ARHGEF1: variants seen among roughly 807,000 people sequenced by gnomAD.
ARHGEF1 encodes the protein 115 kDa guanine nucleotide exchange factor.
A neutral mutation model predicts 119.7 loss-of-function variants in ARHGEF1; 40 were observed. That is an observed-to-expected ratio of 0.33 (90% confidence interval 0.26 to 0.44). ARHGEF1 has a LOEUF of 0.44. ARHGEF1 is among the 20% of genes least tolerant of loss of function. The pLI is 1.00. For synonymous variants in ARHGEF1, 494 were observed against 521.0 expected, an observed-to-expected ratio of 0.95 and a Z score of 0.71; for missense variants, 976 against 1,268.3, an observed-to-expected ratio of 0.77 and a Z score of 3.50.
chr19:41,885,030 T>C (rs2074272968), intron 1 of ARHGEF1, among the ~76,000 whole-genome samples: 1 of 152,096 alleles, frequency 6.6e-6, no homozygotes, highest in Non-Finnish European at 1.5e-5. Flanking sequence ...GAGACCTCCA[T>C]AGAACTCAAC....
Position 41,906,823 on chromosome 19 carries a change from G to T in ARHGEF1, c.*17+20G>T. ...AGGAAGGTGAGTGGGGCACCTGGGG[G>T]CCAGGGCGCTGTCCTGAAAGGAGGG... On this transcript the variant is annotated intron_variant, in intron 28 of 28. Transcript: ENST00000354532. This position sits in a 1 kb window ranked among gnomAD's most constrained non-coding sequence, Gnocchi z 4.5. The T allele has an allele frequency of 6.3e-7, 1 of 1,581,188 alleles. No homozygotes were observed. The highest frequency in any genetic ancestry group is 1.8e-5 in the Admixed American group (1 of 56,566).
At chr19:41,891,040 C>G (rs913571520) in intron 4 of ARHGEF1, among the ~76,000 whole-genome samples, 1 of 152,176 alleles carries the variant, frequency 6.6e-6, no homozygotes, top group South Asian at 2.1e-4. Context: ...CAGGGGCGGG[C>G]ACTCAGGAAA....
At position 41,894,296 on chromosome 19, in the gene ARHGEF1, T is replaced by C; in HGVS notation, c.734T>C (p.Phe245Ser). The C allele has an allele frequency of 6.4e-7, 1 of 1,558,306 alleles. No individual in the cohort carries two copies. Among genetic ancestry groups the C allele is most frequent in the Non-Finnish European group, 8.7e-7 (1 of 1,147,586 alleles). ...SGDKKSGRNF[F>S]RKKVMGNRRS... Reference sequence around the variant, plus strand: ...GACAAGAAGTCGGGGAGGAACTTCTTCCGGAAAAAGGTGCTTCCCTCAGTG... The same window carrying C: ...GACAAGAAGTCGGGGAGGAACTTCTCCCGGAAAAAGGTGCTTCCCTCAGTG... The change falls in exon 9 of 29, where the codon TTC (phenylalanine) becomes TCC (serine). Residue 245 changes from phenylalanine to serine, a missense_variant. This residue lies in a region of ARHGEF1 where 519 missense variants were observed against 580.9 expected (regional missense o/e 0.89). Transcript: ENST00000354532.
intron 13 of ARHGEF1, 21 bp downstream of exon 13, chr19:41,896,503 G>A: frequency 6.7e-7 from 1 of 1,499,592 alleles, no homozygotes; most frequent in Non-Finnish European, 8.9e-7. Context: ...TGGGGTGCAG[G>A]GGCGGGAGGT....
At chr19:41,927,891 CG>C in intron 1 of ARHGEF1, 1 of 152,150 alleles carries the variant, frequency 6.6e-6, no homozygotes, top group Non-Finnish European at 1.5e-5. Context: ...CCCTTACAGC[CG>C]GGGCGGATGA....
intron 1 of ARHGEF1, chr19:41,884,568 C>G: frequency 1.3e-6 from 2 of 1,562,960 alleles, no homozygotes; most frequent in Non-Finnish European, 8.7e-7. Context: ...GCCGTGCACA[C>G]TGCCACGTCC....
Position 41,907,430 on chromosome 19 carries a change from T to C in ARHGEF1, c.*343T>C, listed in dbSNP as rs2145876485. The C allele has an allele frequency of 2.0e-6, 3 of 1,524,836 alleles. No homozygotes were observed. The highest frequency in any genetic ancestry group is 2.1e-4 in the Middle Eastern group (1 of 4,872). The allele number at this position is 1,524,836 out of a possible 1,614,324, so 94.5% of individuals were successfully genotyped here. On this transcript the variant is annotated 3_prime_UTR_variant, in exon 29 of 29. Transcript: ENST00000354532. ...ATACCCTGAATTGGAGGTTTATTTT[T>C]TAATATATATTATCTAAGAAGAGAT...
intron 1 of ARHGEF1, among the ~76,000 whole-genome samples, chr19:41,886,961 G>A (rs552156319): frequency 1.3e-5 from 2 of 152,368 alleles, no homozygotes; most frequent in African/African-American, 4.8e-5. Context: ...GATGTCGGTG[G>A]AAAGACTCAG....
At chr19:41,897,995 C>A in intron 13 of ARHGEF1, 1 of 1,327,006 alleles carries the variant, frequency 7.5e-7, no homozygotes, top group East Asian at 3.0e-5. Flanking sequence ...GAGTGACCGC[C>A]GCCGGCCTTC....
At chr19:41,921,307 G>A (rs2145905779), upstream of ARHGEF1, among the ~76,000 whole-genome samples, 1 of 152,270 alleles carries the variant, frequency 6.6e-6, no homozygotes, top group South Asian at 2.1e-4. The surrounding 1 kb of genome is among the most constrained non-coding windows in gnomAD (Gnocchi z 4.4). Flanking sequence ...CGAGGGGGTG[G>A]AGCGTGATAC....
chr19:41,905,595 T>C lies in ARHGEF1; in HGVS notation c.2337-165T>C, dbSNP rs2145866283. 4.3e-6 allele frequency: 3 copies of C among 701,634 alleles called. No homozygotes were observed. The East Asian group carries it at 8.1e-5, about 19-fold the overall frequency. 43.5% of individuals were successfully genotyped at this position (701,634 alleles called of 1,614,324 possible). A position where few individuals can be genotyped will look rare whatever the true frequency, so the allele number is the denominator to read the frequency against. On this transcript the variant is annotated intron_variant, in intron 24 of 28. Coordinates refer to ENST00000354532, the MANE Select transcript of ARHGEF1 (RefSeq NM_004706.4). This position sits in a 1 kb window ranked among gnomAD's most constrained non-coding sequence, Gnocchi z 6.4. The stretch of plus-strand genomic sequence containing the variant: ...CGTCTGTCTCCTGTCTCCAGGCCTC[T>C]GTGTCTTCCATTGTCTGGGCCTCTC...
In ARHGEF1 at chr19:41,905,673, C is replaced by A; in HGVS notation, c.2337-87C>A. 1 of 1,414,238 alleles carries A rather than the reference C, an allele frequency of 7.1e-7. No individual in the cohort carries two copies. The allele number at this position is 1,414,238 out of a possible 1,614,324, so 87.6% of individuals were successfully genotyped here. ...CTGTCTCTGTCTCCGGACCTCCCTG[C>A]CTCCCCACCTCCAGCTCTCTGTCTC... On this transcript the variant is annotated intron_variant, in intron 24 of 28. Transcript: ENST00000354532. The surrounding 1 kb of genome is among the most constrained non-coding windows in gnomAD (Gnocchi z 6.4).
In ARHGEF1 at chr19:41,892,872, G is replaced by A. The variant is rs185786994; in HGVS notation, c.614+23G>A. On this transcript the variant is annotated intron_variant, in intron 7 of 28. Coordinates refer to ENST00000354532, the MANE Select transcript of ARHGEF1 (RefSeq NM_004706.4). This position sits in a 1 kb window ranked among gnomAD's most constrained non-coding sequence, Gnocchi z 6.3. Reference sequence around the variant, plus strand: ...GCAGTGAGTAGGCCAGCCCTGGTGGGAGCGTCGCCCCTCCCCAGCACAAGG... The same window carrying A: ...GCAGTGAGTAGGCCAGCCCTGGTGGAAGCGTCGCCCCTCCCCAGCACAAGG... The A allele has an allele frequency of 1.4e-6, 2 of 1,476,008 alleles. No individual in the cohort carries two copies. Among genetic ancestry groups the A allele is most frequent in the Admixed American group, 4.6e-5 (2 of 43,916 alleles). The allele number at this position is 1,476,008 out of a possible 1,614,324, so 91.4% of individuals were successfully genotyped here. A position where few individuals can be genotyped will look rare whatever the true frequency, so the allele number is the denominator to read the frequency against.
chr19:41,908,168 A>G (rs1282785487), downstream of ARHGEF1: 4 of 1,210,648 alleles, frequency 3.3e-6, no homozygotes, highest in Non-Finnish European at 4.1e-6. The surrounding 1 kb of genome is among the most constrained non-coding windows in gnomAD (Gnocchi z 6.7). Context: ...CCAGGCATCA[A>G]GGGCAGACGG....
downstream of ARHGEF1, chr19:41,908,584 C>T: frequency 8.1e-7 from 1 of 1,231,682 alleles, no homozygotes; most frequent in South Asian, 4.1e-5. This position sits in a 1 kb window ranked among gnomAD's most constrained non-coding sequence, Gnocchi z 6.7. Context: ...GGGAAGGGGC[C>T]CGTGAGGTAC....
In ARHGEF1 at chr19:41,903,679, C is replaced by G. The variant is rs143349761; in HGVS notation, c.1840-28C>G. On this transcript the variant is annotated intron_variant, in intron 19 of 28. Transcript: ENST00000354532. The surrounding 1 kb of genome is among the most constrained non-coding windows in gnomAD (Gnocchi z 4.2). ...AGGTCAGCCCCAGCACTTAGCTTGTCCCCATAATGCTCCCGTCTCTGCCCC... is the reference window on the plus strand; with the variant it reads ...AGGTCAGCCCCAGCACTTAGCTTGTGCCCATAATGCTCCCGTCTCTGCCCC... 7 of 1,608,932 alleles carry G rather than the reference C, an allele frequency of 4.4e-6. No homozygotes were observed. The highest frequency in any genetic ancestry group is 2.7e-5 in the African/African-American group (2 of 74,848).
Position 41,888,944 on chromosome 19 carries a change from T to A in ARHGEF1, c.225+79T>A. On this transcript the variant is annotated intron_variant, in intron 4 of 28. Coordinates refer to ENST00000354532, the MANE Select transcript of ARHGEF1 (RefSeq NM_004706.4). This position sits in a 1 kb window ranked among gnomAD's most constrained non-coding sequence, Gnocchi z 5.1. ...CTTTTAGCGAATTAAACCAGCGAGC[T>A]AGTGCCTGGAGGGTCTGGAAAAGCA... is the stretch of plus-strand genomic sequence containing the variant. 3.6e-6 allele frequency: 4 copies of A among 1,106,182 alleles called. No homozygotes were observed. The South Asian group carries it at 5.7e-5, about 16-fold the overall frequency. The allele number at this position is 1,106,182 out of a possible 1,614,324, so 68.5% of individuals were successfully genotyped here.
chr19:41,924,697 G>A (rs1480830981), intron 1 of ARHGEF1, among the ~76,000 whole-genome samples: 1 of 152,122 alleles, frequency 6.6e-6, no homozygotes, highest in African/African-American at 2.4e-5. Context: ...TGTGCAGTGC[G>A]GGGAGCAGGT....
At position 41,904,134 on chromosome 19, in the gene ARHGEF1, G is replaced by A; in HGVS notation, c.1993+24G>A. The stretch of plus-strand genomic sequence containing the variant: ...GGGTGAGTGCCAGAGCAGCTGCCTA[G>A]TGCAGGGTGTTGGGGCAGTGAGCCA... On this transcript the variant is annotated intron_variant, in intron 21 of 28. Coordinates refer to ENST00000354532, the MANE Select transcript of ARHGEF1 (RefSeq NM_004706.4). The surrounding 1 kb of genome is among the most constrained non-coding windows in gnomAD (Gnocchi z 8.4). 6.2e-7 allele frequency: 1 copy of A among 1,614,212 alleles called. No homozygotes were observed. Among genetic ancestry groups the A allele is most frequent in the African/African-American group, 1.3e-5 (1 of 75,076 alleles).
Sources: gnomAD v4.1 joint callset for allele counts (sites outside exome capture counted in the v4.1 genomes callset) on GRCh38, gnomAD v4.1.1 for gene constraint, gnomAD v4.1.1 regional missense constraint, Gnocchi (gnomAD v3.1) non-coding constraint, MANE v1.5 for transcripts, NCBI Gene and HGNC (gene_info 2026-07-23, HGNC 2026-07-21) for gene names.